The following CADM2 variants were observed in gnomAD, a reference collection of about 807,000 sequenced individuals.
CADM2 encodes immunoglobulin superfamily member 4D.
In CADM2, 12 loss-of-function variants were observed where a neutral mutation model predicts 49.8. The ratio of observed to expected loss-of-function variants is 0.24; its 90% CI spans 0.15 to 0.39. The LOEUF is 0.39. Among genes scored for constraint, CADM2 ranks in the 10% least tolerant of loss-of-function variants. CADM2 has a pLI of 1.00. For synonymous variants in CADM2, 214 were observed against 175.4 expected (o/e 1.22, Z -1.74); for missense variants, 378 against 492.3 (o/e 0.77, Z 2.20).
chr3:85,419,005 CAA>C (rs2036038059), intron 1 of CADM2, among the ~76,000 whole-genome samples: 1 of 151,940 alleles, frequency 6.6e-6, no homozygotes, highest in Non-Finnish European at 1.5e-5. Flanking sequence ...ACAGAAAGTT[CAA>C]AGAGAGCCCA....
At chr3:85,602,934 T>C (rs1247837861) in intron 1 of CADM2, among the ~76,000 whole-genome samples, 2 of 151,860 alleles carry the variant, frequency 1.3e-5, no homozygotes, top group East Asian at 3.9e-4. Flanking sequence ...ATTTGTTCAT[T>C]TTTATTTTTG....
intron 8 of CADM2, among the ~76,000 whole-genome samples, chr3:86,063,726 CTATT>C (rs1256738370): frequency 2.0e-5 from 3 of 152,180 alleles, no homozygotes; most frequent in Non-Finnish European, 2.9e-5. Context: ...GACTCACAAT[CTATT>C]TGTCAGATTA....
In CADM2 at chr3:85,134,234, G is replaced by C. The variant is rs538117244; in HGVS notation, c.61+174566G>C. Among the ~76,000 whole-genome samples the C allele has an allele frequency of 4.9e-3, 749 of 152,310 alleles. 4 individuals are homozygous for C. The highest frequency in any genetic ancestry group is 0.013 in the Admixed American group (199 of 15,310). On this transcript the variant is annotated intron_variant, in intron 1 of 9. Transcript: ENST00000383699. ...CCGCGCGCAGCCCCGGTTCCCGCTC[G>C]CGCGTCTCCCTCCACACCTCCCTGC...
intron 1 of CADM2, among the ~76,000 whole-genome samples, chr3:85,560,519 C>T (rs1231957493): frequency 1.3e-5 from 2 of 152,158 alleles, no homozygotes; most frequent in African/African-American, 4.8e-5. Flanking sequence ...TGGGAGTTGG[C>T]GCTGCAGGAG....
chr3:85,141,796 G>C (rs2220244), intron 1 of CADM2, among the ~76,000 whole-genome samples: 67,233 of 151,958 alleles, frequency 0.44, 16,227 homozygotes, highest in Non-Finnish European at 0.56. Flanking sequence ...TCACATCTCA[G>C]TATAACTACT....
intron 3 of CADM2, among the ~76,000 whole-genome samples, chr3:85,849,014 A>G (rs2108285230): frequency 6.6e-6 from 1 of 152,338 alleles, no homozygotes; most frequent in African/African-American, 2.4e-5. Context: ...TATTCCAATA[A>G]GTAAAAACTA....
chr3:86,017,836 CTT>C (rs35715091), intron 8 of CADM2, among the ~76,000 whole-genome samples: 9 of 145,910 alleles, frequency 6.2e-5, no homozygotes, highest in East Asian at 4.0e-4. Context: ...AAACTTTTTT[CTT>C]TTTTTTTTAT....
chr3:85,239,122 A>C (rs1376423286), intron 1 of CADM2, among the ~76,000 whole-genome samples: 1 of 151,856 alleles, frequency 6.6e-6, no homozygotes, highest in African/African-American at 2.4e-5. Context: ...TTATCACTCA[A>C]TGTCATGATC....
At chr3:85,375,338 A>G (rs550932223) in intron 1 of CADM2, among the ~76,000 whole-genome samples, 4 of 152,300 alleles carry the variant, frequency 2.6e-5, no homozygotes, top group East Asian at 3.9e-4. Context: ...TTTTCTTCCT[A>G]TCTCTCAAGA....
intron 1 of CADM2, among the ~76,000 whole-genome samples, chr3:85,438,472 T>A (rs2107536844): frequency 6.6e-6 from 1 of 152,236 alleles, no homozygotes; most frequent in African/African-American, 2.4e-5. Flanking sequence ...GATTCCCTCT[T>A]ATGGGCAGTC....
Position 85,841,686 on chromosome 3 carries a change from C to G in CADM2, c.238+39490C>G, listed in dbSNP as rs900189961. On this transcript the variant is annotated intron_variant, in intron 3 of 9. Transcript: ENST00000383699. ...ATCTGTAGCACACATAATTAAGGTT[C>G]AAAAAACATATTTCTTTGGATTAAC... Among the ~76,000 whole-genome samples, 3 of 151,836 alleles carry G rather than the reference C, an allele frequency of 2.0e-5. No individual in the cohort carries two copies. In the East Asian group the frequency reaches 5.8e-4, roughly 29 times the overall value.
chr3:85,914,768 A>G (rs1718062569), intron 6 of CADM2, among the ~76,000 whole-genome samples: 1 of 152,190 alleles, frequency 6.6e-6, no homozygotes, highest in African/African-American at 2.4e-5. Context: ...AAAGAGTGAG[A>G]AGAGACTTGT....
At chr3:85,443,008 A>T (rs1016451304) in intron 1 of CADM2, among the ~76,000 whole-genome samples, 1 of 152,044 alleles carries the variant, frequency 6.6e-6, no homozygotes, top group African/African-American at 2.4e-5. Flanking sequence ...GTCTTGAAAC[A>T]TGGTAACTGC....
chr3:85,246,004 A>C (rs1004414316), intron 1 of CADM2, among the ~76,000 whole-genome samples: 3 of 152,196 alleles, frequency 2.0e-5, no homozygotes, highest in African/African-American at 7.2e-5. Context: ...CCCCCACTAC[A>C]TTTGCAGTAT....
chr3:85,116,664 C>T (rs1188047166), intron 1 of CADM2, among the ~76,000 whole-genome samples: 3 of 151,954 alleles, frequency 2.0e-5, no homozygotes, highest in Admixed American at 6.6e-5. Context: ...TTTATTCATT[C>T]TTTTTTCGGT....
chr3:85,903,183 C>A (rs1337255866), intron 5 of CADM2, among the ~76,000 whole-genome samples: 1 of 151,842 alleles, frequency 6.6e-6, no homozygotes, highest in Non-Finnish European at 1.5e-5. Context: ...TGTTTTACAT[C>A]ATTAATTTTG....
intron 1 of CADM2, among the ~76,000 whole-genome samples, chr3:85,519,758 C>T (rs754261455): frequency 6.6e-6 from 1 of 151,950 alleles, no homozygotes. Flanking sequence ...AAAGTAAACC[C>T]GCAGCTACAT....
At chr3:84,986,392 C>T (rs543593111) in intron 1 of CADM2, among the ~76,000 whole-genome samples, 1 of 152,184 alleles carries the variant, frequency 6.6e-6, no homozygotes, top group Non-Finnish European at 1.5e-5. Context: ...ACTCCATCTC[C>T]CACTACTATT....
At chr3:85,462,737 T>C (rs1002561123) in intron 1 of CADM2, among the ~76,000 whole-genome samples, 1 of 152,174 alleles carries the variant, frequency 6.6e-6, no homozygotes, top group African/African-American at 2.4e-5. Flanking sequence ...TTTACAATTA[T>C]AGAAAAATAA....
Sources: gnomAD v4.1 joint callset for allele counts (sites outside exome capture counted in the v4.1 genomes callset) on GRCh38, gnomAD v4.1.1 for gene constraint, MANE v1.5 for transcripts, NCBI Gene and HGNC (gene_info 2026-07-23, HGNC 2026-07-21) for gene names.